The following RXFP2 variants were observed in gnomAD, a reference collection of about 807,000 sequenced individuals.
The protein encoded by RXFP2 is relaxin receptor 2.
In RXFP2, 68 loss-of-function variants were observed where a neutral mutation model predicts 88.6. The ratio of observed to expected loss-of-function variants is 0.77; its 90% CI spans 0.63 to 0.94. RXFP2 has a LOEUF of 0.94. Among genes scored for constraint, RXFP2 ranks in the 40% least tolerant of loss-of-function variants. The pLI is 0.00. For synonymous variants in RXFP2, 329 were observed against 306.8 expected, an observed-to-expected ratio of 1.07 and a Z score of -0.76; for missense variants, 791 against 893.9, an observed-to-expected ratio of 0.88 and a Z score of 1.47.
At position 31,772,917 on chromosome 13, in the gene RXFP2, T is replaced by A. The variant is rs186827758; in HGVS notation, c.498-1703T>A. Among the ~76,000 whole-genome samples, 434 of 152,380 alleles carry A rather than the reference T, an allele frequency of 2.8e-3. 2 individuals carry two copies. The highest frequency in any genetic ancestry group is 0.01 in the African/African-American group (418 of 41,592). ...GATGTGACAACATGTAGGTAAAATATACATTCCATTTTTGAATTTCTCATC... is the reference window on the plus strand; with the variant it reads ...GATGTGACAACATGTAGGTAAAATAAACATTCCATTTTTGAATTTCTCATC... On this transcript the variant is annotated intron_variant, in intron 5 of 17. Transcript: ENST00000298386.
rs138066693 is a variant in RXFP2, at chr13:31,756,899, G to T, written c.95-1359G>T. On this transcript the variant is annotated intron_variant, in intron 1 of 17. Transcript: ENST00000298386. ...GCCTCAAAGTGCTGGGATTACAGGC[G>T]TGAGCTACTGCACCTGGACAGGACT... Among the ~76,000 whole-genome samples the T allele has an allele frequency of 2.2e-4, 34 of 152,110 alleles. 1 individual carries two copies. The East Asian group carries it at 3.9e-3, about 17-fold the overall frequency.
intron 16 of RXFP2, among the ~76,000 whole-genome samples, chr13:31,796,175 G>C (rs1377577983): frequency 6.9e-6 from 1 of 144,488 alleles, no homozygotes; most frequent in Non-Finnish European, 1.5e-5. Context: ...TCAGCCTCCC[G>C]AGTAGCTGGG....
intron 10 of RXFP2, 72 bp downstream of exon 10, chr13:31,781,814 C>A: frequency 1.6e-6 from 2 of 1,267,960 alleles, no homozygotes; most frequent in Non-Finnish European, 2.3e-6. Flanking sequence ...AAAACATTGA[C>A]AAAAAATTTT....
At chr13:31,776,687 A>G (rs924557727) in intron 7 of RXFP2, among the ~76,000 whole-genome samples, 1 of 152,180 alleles carries the variant, frequency 6.6e-6, no homozygotes, top group African/African-American at 2.4e-5. Flanking sequence ...AGCTCCTGGC[A>G]TATAGTAGGT....
intron 9 of RXFP2, among the ~76,000 whole-genome samples, chr13:31,779,427 C>CTA (rs1873162005): frequency 6.6e-6 from 1 of 152,096 alleles, no homozygotes; most frequent in African/African-American, 2.4e-5. Context: ...AGGCAGAAAC[C>CTA]TATAGTATGA....
intron 17 of RXFP2, among the ~76,000 whole-genome samples, chr13:31,800,053 G>C (rs972016214): frequency 6.6e-6 from 1 of 152,214 alleles, no homozygotes; most frequent in African/African-American, 2.4e-5. Flanking sequence ...TCAATAGTCT[G>C]AGGTTTGTCT....
Position 31,775,324 on chromosome 13 carries a change from C to A in RXFP2, c.576C>A (p.Leu192=). ...TCACCCATGCTATTTGTAGATATCT[C>A]AACCACAACTGCATCACAACCCTCA... ...FGLCNLQILY[L]NHNCITTLRP... The change falls in exon 7 of 18, where the codon CTC becomes CTA. Residue 192 remains leucine, a synonymous_variant. Coordinates refer to ENST00000298386, the MANE Select transcript of RXFP2 (RefSeq NM_130806.5). 3 of 1,613,212 alleles carry A rather than the reference C, an allele frequency of 1.9e-6. No individual in the cohort carries two copies. Among genetic ancestry groups the A allele is most frequent in the Non-Finnish European group, 2.5e-6 (3 of 1,179,228 alleles).
rs1873559569 is a variant in RXFP2, at chr13:31,786,627, C to A, written c.1063C>A (p.Leu355Ile). 1.9e-6 allele frequency: 3 copies of A among 1,567,974 alleles called. No homozygotes were observed. Among genetic ancestry groups the A allele is most frequent in the African/African-American group, 1.4e-5 (1 of 73,816 alleles). Residue 355 changes from leucine to isoleucine, a missense_variant, in exon 13 of 18, where the codon CTT becomes ATT. Transcript: ENST00000298386. Reference sequence around the variant, plus strand: ...GAACCAGTTTGAAAGTCTTAAACAACTTCAGTCTCTGTAAGTGAAATATTA... The same window carrying A: ...GAACCAGTTTGAAAGTCTTAAACAAATTCAGTCTCTGTAAGTGAAATATTA... ...HKNQFESLKQ[L>I]QSLDLERIEI...
At chr13:31,768,554 G>A (rs971283565) in intron 5 of RXFP2, among the ~76,000 whole-genome samples, 3 of 152,162 alleles carry the variant, frequency 2.0e-5, no homozygotes, top group African/African-American at 7.2e-5. Context: ...ACAAGTAATA[G>A]AGATTGGCCT....
In RXFP2 at chr13:31,786,574, C is replaced by A; in HGVS notation, c.1010C>A (p.Ser337Ter). The change falls in exon 13 of 18, where the codon TCA becomes TAA. Residue 337 changes from serine to a stop codon, truncating the protein, a stop_gained. Transcript: ENST00000298386. LOFTEE classifies it high-confidence loss of function. ...AATGGTAAAAAAAAAAGGAACCTGT[C>A]ATCCAATCCTCTTATGTATCTTCAC... is the stretch of plus-strand genomic sequence containing the variant. ...DLKLLQKLNL[S>*]SNPLMYLHKN... is the part of the protein sequence containing the mutation. The A allele has an allele frequency of 6.3e-7, 1 of 1,594,334 alleles. No individual in the cohort carries two copies. The highest frequency in any genetic ancestry group is 1.1e-5 in the South Asian group (1 of 89,620).
intron 7 of RXFP2, among the ~76,000 whole-genome samples, chr13:31,776,777 C>T (rs906824353): frequency 6.6e-6 from 1 of 152,120 alleles, no homozygotes; most frequent in African/African-American, 2.4e-5. Context: ...GCTTCACAGG[C>T]AACAAGAGGA....
chr13:31,776,967 G>T (rs1873015627), intron 7 of RXFP2, among the ~76,000 whole-genome samples: 1 of 152,086 alleles, frequency 6.6e-6, no homozygotes, highest in East Asian at 1.9e-4. Flanking sequence ...TGTGACCAAA[G>T]AACCCTCTGT....
At chr13:31,797,036 C>T (rs1392260025) in intron 16 of RXFP2, among the ~76,000 whole-genome samples, 165 bp from the exon 17 acceptor site, 1 of 152,174 alleles carries the variant, frequency 6.6e-6, no homozygotes, top group Non-Finnish European at 1.5e-5. Context: ...GACTTGGGAA[C>T]CATTTCCAAG....
At chr13:31,801,819 T>A (rs1217735780) in intron 17 of RXFP2, among the ~76,000 whole-genome samples, 1 of 151,302 alleles carries the variant, frequency 6.6e-6, no homozygotes, top group African/African-American at 2.4e-5. Context: ...TATTTCTTTA[T>A]TTTTTTATTT....
At chr13:31,762,501 A>G (rs576131309) in intron 3 of RXFP2, among the ~76,000 whole-genome samples, 3 of 152,354 alleles carry the variant, frequency 2.0e-5, no homozygotes, top group Admixed American at 2.0e-4. Flanking sequence ...GTGCTAGCCC[A>G]TGAAGGGTTT....
Position 31,797,224 on chromosome 13 carries a change from A to T in RXFP2, c.1810A>T (p.Ile604Phe), listed in dbSNP as rs17076657. The change falls in exon 17 of 18, where the codon ATC (isoleucine) becomes TTC (phenylalanine). Residue 604 changes from isoleucine (I) to phenylalanine (F), a missense_variant. Ile to Phe is a conservative substitution (Grantham distance 21). Transcript: ENST00000298386. Reference sequence around the variant, plus strand: ...AGGTGTGAACTTGCTGGCTTTTCTCATCATTGTGTTTTCCTATATTACTAT... The same window carrying T: ...AGGTGTGAACTTGCTGGCTTTTCTCTTCATTGTGTTTTCCTATATTACTAT... ...FLGVNLLAFL[I>F]IVFSYITMFC... 3 of 1,613,242 alleles carry T rather than the reference A, an allele frequency of 1.9e-6. No individual in the cohort carries two copies. In the East Asian group the frequency reaches 6.7e-5, roughly 36 times the overall value.
chr13:31,764,284 C>CACACACAT lies in RXFP2; in HGVS notation c.320-748_320-747insCATACACA, dbSNP rs762385260. Among the ~76,000 whole-genome samples, 1,320 of 150,416 alleles carry CACACACAT rather than the reference C, an allele frequency of 8.8e-3. 15 individuals carry two copies. Among genetic ancestry groups the CACACACAT allele is most frequent in the South Asian group, 0.049 (231 of 4,742 alleles). On this transcript the variant is annotated intron_variant, in intron 3 of 17. Coordinates refer to ENST00000298386, the MANE Select transcript of RXFP2 (RefSeq NM_130806.5). ...ACACACACACACACACACACACACA[C>CACACACAT]ACACAGTGACTGTCCTATGGACCAG... is the stretch of plus-strand genomic sequence containing the variant.
rs143079643 is a variant in RXFP2, at chr13:31,751,561, A to G, written c.95-6697A>G. Among the ~76,000 whole-genome samples, 579 of 152,296 alleles carry G rather than the reference A, an allele frequency of 3.8e-3. 4 individuals are homozygous for G. The highest frequency in any genetic ancestry group is 0.014 in the African/African-American group (565 of 41,574). On this transcript the variant is annotated intron_variant, in intron 1 of 17. Transcript: ENST00000298386. ...TGTGAGGTGGGTCCTGCCCAAACATACACTGCAGCCTGGGATGCAGGTACA... is the reference window on the plus strand; with the variant it reads ...TGTGAGGTGGGTCCTGCCCAAACATGCACTGCAGCCTGGGATGCAGGTACA...
chr13:31,803,302 A>C lies in RXFP2; in HGVS notation c.*897A>C, dbSNP rs138565802. On this transcript the variant is annotated 3_prime_UTR_variant, in exon 18 of 18. Coordinates refer to ENST00000298386, the MANE Select transcript of RXFP2 (RefSeq NM_130806.5). ...TCTCATTGTTTTTAACAAAAAAGCA[A>C]TGAAGTTTGGGGTGGTTTTTTGAAA... The C allele has an allele frequency of 6.6e-6, 1 of 152,318 alleles. No individual in the cohort carries two copies. Among genetic ancestry groups the C allele is most frequent in the East Asian group, 1.9e-4 (1 of 5,190 alleles). The allele number at this position is 152,318 out of a possible 1,614,324, so 9.4% of individuals were successfully genotyped here.
Sources: allele counts gnomAD v4.1 joint callset (sites outside exome capture counted in the v4.1 genomes callset), GRCh38; gene constraint gnomAD v4.1.1; transcripts MANE v1.5; gene names NCBI Gene and HGNC (gene_info 2026-07-23, HGNC 2026-07-21).